The following RYR2 variants were observed in gnomAD, a reference collection of about 807,000 sequenced individuals.
RYR2 encodes the protein ryanodine receptor 2, also known as cardiac muscle ryanodine receptor-calcium release channel.
Under a neutral mutation model 601.1 loss-of-function variants are expected in RYR2, and 227 were observed. The ratio of observed to expected loss-of-function variants is 0.38; its 90% CI spans 0.34 to 0.42. RYR2 has a LOEUF of 0.42. Ranked by LOEUF, RYR2 falls within the 10% of genes least tolerant of loss-of-function variation. RYR2 has a pLI of 1.00. For synonymous variants in RYR2, 2,223 were observed against 2,175.1 expected (o/e 1.02, Z -0.61); for missense variants, 4,646 against 6,156.5 (o/e 0.75, Z 8.21).
chr1:237,358,824 C>G (rs1346404012), intron 4 of RYR2, among the ~76,000 whole-genome samples: 1 of 152,002 alleles, frequency 6.6e-6, no homozygotes, highest in African/African-American at 2.4e-5. Context: ...CTGAAGCTAC[C>G]CTTGCTAGGC....
chr1:237,759,002 T>G (rs1003632486), intron 82 of RYR2, among the ~76,000 whole-genome samples: 1 of 152,212 alleles, frequency 6.6e-6, no homozygotes, highest in Non-Finnish European at 1.5e-5. Flanking sequence ...TTTTTTCAAT[T>G]TACAGACTAT....
chr1:237,201,696 A>G (rs1681211370), intron 1 of RYR2, among the ~76,000 whole-genome samples: 1 of 151,996 alleles, frequency 6.6e-6, no homozygotes, highest in Non-Finnish European at 1.5e-5. Context: ...TCTGGGTGGA[A>G]TTTTCACTGG....
chr1:237,089,454 C>T (rs960707423), intron 1 of RYR2, among the ~76,000 whole-genome samples: 1 of 151,894 alleles, frequency 6.6e-6, no homozygotes, highest in Non-Finnish European at 1.5e-5. Context: ...CAGATATGTC[C>T]CTAAGAAATA....
At chr1:237,241,588 A>T (rs1004807748) in intron 1 of RYR2, among the ~76,000 whole-genome samples, 1 of 152,222 alleles carries the variant, frequency 6.6e-6, no homozygotes, top group African/African-American at 2.4e-5. Context: ...AAGCAAGTTT[A>T]TTAAGAAAGT....
intron 8 of RYR2, among the ~76,000 whole-genome samples, chr1:237,386,784 G>C (rs1217432140): frequency 6.6e-6 from 1 of 152,200 alleles, no homozygotes. Context: ...GCCATCTAAT[G>C]GCTTTTGCAT....
At chr1:237,202,313 C>A (rs918621549) in intron 1 of RYR2, among the ~76,000 whole-genome samples, 3 of 152,164 alleles carry the variant, frequency 2.0e-5, no homozygotes, top group Non-Finnish European at 4.4e-5. Flanking sequence ...TGAGTCTGAG[C>A]ACTTGAACAT....
At chr1:237,722,294 G>C (rs1301246040) in intron 73 of RYR2, among the ~76,000 whole-genome samples, 1 of 151,976 alleles carries the variant, frequency 6.6e-6, no homozygotes, top group African/African-American at 2.4e-5. Context: ...CCACCAAAGA[G>C]TATGATAAAT....
At chr1:237,211,178 C>G (rs1356866991) in intron 1 of RYR2, among the ~76,000 whole-genome samples, 1 of 152,190 alleles carries the variant, frequency 6.6e-6, no homozygotes. Context: ...TTAAACCTTA[C>G]ATGTTTGACA....
At chr1:237,666,435 A>T in intron 56 of RYR2, 77 bp from the exon 57 acceptor site, 6 of 1,285,268 alleles carry the variant, frequency 4.7e-6, no homozygotes, top group Non-Finnish European at 6.5e-6. Flanking sequence ...AATTTGTGCC[A>T]TATTTTTAAA....
At chr1:237,231,164 C>T (rs537417229) in intron 1 of RYR2, among the ~76,000 whole-genome samples, 31 of 152,152 alleles carry the variant, frequency 2.0e-4, no homozygotes, top group African/African-American at 7.5e-4. Context: ...TGTTTTTCCC[C>T]ACTTATTTTT....
chr1:237,136,348 G>A (rs534636119), intron 1 of RYR2, among the ~76,000 whole-genome samples: 6 of 152,276 alleles, frequency 3.9e-5, no homozygotes, highest in African/African-American at 1.2e-4. Flanking sequence ...TTCTTACTGT[G>A]AAAAATTCCC....
In RYR2 at chr1:237,270,543, A is replaced by G; in HGVS notation, c.95A>G (p.Gln32Arg). 1 of 1,598,468 alleles carries G rather than the reference A, an allele frequency of 6.3e-7. No homozygotes were observed. Among genetic ancestry groups the G allele is most frequent in the Non-Finnish European group, 8.5e-7 (1 of 1,172,142 alleles). Residue 32 changes from glutamine (Q) to arginine (R), a missense_variant, in exon 2 of 105, where the codon CAA becomes CGA. Physicochemically the swap from Gln to Arg is conservative, Grantham distance 43. Transcript: ENST00000366574. ...TGCACCGCAACCATCCACAAAGAAC[A>G]ACAGAAGCTATGCTTGGCAGCAGAA... The part of the protein sequence containing the change: ...LQCTATIHKE[Q>R]QKLCLAAEGF...
At chr1:237,658,290 A>G (rs1222077381) in intron 54 of RYR2, among the ~76,000 whole-genome samples, 2 of 111,472 alleles carry the variant, frequency 1.8e-5, no homozygotes, top group East Asian at 4.5e-4. Flanking sequence ...TATAACATAT[A>G]TTGTTTATCA....
chr1:237,114,125 A>C (rs1049044113), intron 1 of RYR2, among the ~76,000 whole-genome samples: 1 of 152,188 alleles, frequency 6.6e-6, no homozygotes, highest in Admixed American at 6.5e-5. Flanking sequence ...AGTTTATATC[A>C]AACCATATGG....
chr1:237,617,865 A>G (rs751522605), intron 38 of RYR2, among the ~76,000 whole-genome samples: 1 of 152,122 alleles, frequency 6.6e-6, no homozygotes, highest in Non-Finnish European at 1.5e-5. Flanking sequence ...GAAGAAACAC[A>G]TGTCTCTTCC....
At chr1:237,357,773 C>T (rs188223843) in intron 4 of RYR2, among the ~76,000 whole-genome samples, 17 of 152,192 alleles carry the variant, frequency 1.1e-4, no homozygotes, top group East Asian at 9.6e-4. Flanking sequence ...CTTTATTGGC[C>T]GTAATCTCTT....
intron 1 of RYR2, among the ~76,000 whole-genome samples, chr1:237,148,551 TATACACACACAC>T (rs1674325904): frequency 1.6e-5 from 2 of 126,482 alleles, no homozygotes; most frequent in East Asian, 2.2e-4. Context: ...TATATATATA[TATACACACACAC>T]ATATATATAT....
chr1:237,722,148 CAT>C (rs952569469), intron 73 of RYR2, among the ~76,000 whole-genome samples: 3 of 152,036 alleles, frequency 2.0e-5, no homozygotes, highest in Admixed American at 6.5e-5. Context: ...TAAAAGTAAA[CAT>C]AGAAATCTTT....
Position 237,331,205 on chromosome 1 carries a change from C to A in RYR2, c.273+223C>A, listed in dbSNP as rs546623779. Among the ~76,000 whole-genome samples, 5 of 152,236 alleles carry A rather than the reference C, an allele frequency of 3.3e-5. No homozygotes were observed. The South Asian group carries it at 6.2e-4, about 19-fold the overall frequency. On this transcript the variant is annotated intron_variant, in intron 3 of 104. Coordinates refer to ENST00000366574, the MANE Select transcript of RYR2 (RefSeq NM_001035.3). ...CTTGATGTGATCTGTGTCACTAGGC[C>A]TCGTGCTTATGTCTGTTGTTTAAAA...
Sources: gnomAD v4.1 joint callset for allele counts (sites outside exome capture counted in the v4.1 genomes callset) on GRCh38, gnomAD v4.1.1 for gene constraint, MANE v1.5 for transcripts, NCBI Gene and HGNC (gene_info 2026-07-23, HGNC 2026-07-21) for gene names.